The following CA10 variants were observed in gnomAD, a reference collection of about 807,000 sequenced individuals.
CA10 encodes the protein carbonic anhydrase 10 (inactive), also known as carbonic anhydrase-related protein 10.
Under a neutral mutation model 44.2 loss-of-function variants are expected in CA10, and 14 were observed. The ratio of observed to expected loss-of-function variants is 0.32; its 90% CI spans 0.21 to 0.50. The LOEUF (loss-of-function observed/expected upper bound fraction) is 0.50. Among genes scored for constraint, CA10 ranks in the 20% least tolerant of loss-of-function variants. CA10 has a pLI of 0.99. For synonymous variants in CA10, 159 were observed against 141.6 expected (o/e 1.12, Z -0.87); for missense variants, 350 against 409.7 (o/e 0.85, Z 1.26).
intron 3 of CA10, among the ~76,000 whole-genome samples, chr17:51,830,195 CAAAAAAAAAAAA>C (rs1220410518): frequency 1.1e-5 from 1 of 89,986 alleles, no homozygotes; most frequent in Non-Finnish European, 2.3e-5. Flanking sequence ...GACTCCATCT[CAAAAAAAAAAAA>C]AAAAAAAAAG....
chr17:51,858,690 C>T (rs1026884915), intron 3 of CA10, among the ~76,000 whole-genome samples: 12 of 152,190 alleles, frequency 7.9e-5, no homozygotes, highest in African/African-American at 2.7e-4. Context: ...TCCTATGTGT[C>T]TTGGTCCTTG....
intron 1 of CA10, among the ~76,000 whole-genome samples, chr17:52,088,801 GA>G (rs1988186421): frequency 6.6e-6 from 1 of 152,056 alleles, no homozygotes; most frequent in Non-Finnish European, 1.5e-5. Context: ...GAAATGAAAA[GA>G]AAAAAACCCT....
At chr17:51,692,154 G>A (rs535407287) in intron 4 of CA10, among the ~76,000 whole-genome samples, 1 of 148,928 alleles carries the variant, frequency 6.7e-6, no homozygotes, top group South Asian at 2.1e-4. Context: ...ACAGTTTTTT[G>A]TTCCTCTTCA....
At chr17:51,730,158 C>T (rs1042571460) in intron 4 of CA10, among the ~76,000 whole-genome samples, 1 of 152,174 alleles carries the variant, frequency 6.6e-6, no homozygotes, top group Non-Finnish European at 1.5e-5. Context: ...TAAATATCTC[C>T]TTACTAGAAT....
chr17:51,794,430 C>T (rs915372497), intron 3 of CA10, among the ~76,000 whole-genome samples: 1 of 152,106 alleles, frequency 6.6e-6, no homozygotes, highest in African/African-American at 2.4e-5. Flanking sequence ...GTCATTTTAC[C>T]CCTGGGTTGG....
At chr17:52,054,051 A>G (rs1040319372) in intron 2 of CA10, among the ~76,000 whole-genome samples, 2 of 149,212 alleles carry the variant, frequency 1.3e-5, no homozygotes, top group African/African-American at 5.0e-5. Context: ...GCACCTCGAA[A>G]AAAGAACAGG....
intron 4 of CA10, among the ~76,000 whole-genome samples, chr17:51,712,996 C>T (rs1436548754): frequency 6.6e-6 from 1 of 152,200 alleles, no homozygotes; most frequent in African/African-American, 2.4e-5. Context: ...CTCCACAGAT[C>T]CTCTTTTCTT....
intron 2 of CA10, among the ~76,000 whole-genome samples, chr17:52,031,991 G>A (rs1007031868): frequency 2.6e-5 from 4 of 152,150 alleles, no homozygotes; most frequent in East Asian, 1.9e-4. Flanking sequence ...GCTGCCATGA[G>A]CACAGTAAAG....
chr17:51,672,914 A>G (rs1264412086), intron 4 of CA10, among the ~76,000 whole-genome samples: 1 of 152,194 alleles, frequency 6.6e-6, no homozygotes, highest in African/African-American at 2.4e-5. Context: ...AGGGAGTTCC[A>G]GTGGCTTTGC....
At chr17:51,905,289 C>T (rs1981497203) in intron 3 of CA10, among the ~76,000 whole-genome samples, 1 of 152,112 alleles carries the variant, frequency 6.6e-6, no homozygotes. Context: ...TGCACTGCCT[C>T]AGGTGGAGTT....
chr17:51,958,764 AAAAC>A (rs1320030515), intron 2 of CA10, among the ~76,000 whole-genome samples: 11 of 152,196 alleles, frequency 7.2e-5, no homozygotes, highest in Non-Finnish European at 1.5e-4. Flanking sequence ...CAAAGCAAAC[AAAAC>A]AAACAGATAA....
In CA10 at chr17:52,045,237, A is replaced by T. The variant is rs895226062; in HGVS notation, c.136+27082T>A. Among the ~76,000 whole-genome samples the T allele has an allele frequency of 2.0e-5, 3 of 151,022 alleles. 1 individual carries two copies. In the East Asian group the frequency reaches 7.0e-4, roughly 35 times the overall value. On this transcript the variant is annotated intron_variant, in intron 2 of 8. Coordinates refer to ENST00000451037, the MANE Select transcript of CA10 (RefSeq NM_020178.5). ...AAAACACATTTTATAAATAAAGGTT[A>T]AATAAAGCCCATTTCAGAAAAAAAT...
At chr17:52,151,817 T>A (rs976859919) in intron 1 of CA10, among the ~76,000 whole-genome samples, 2 of 151,968 alleles carry the variant, frequency 1.3e-5, no homozygotes, top group Non-Finnish European at 2.9e-5. Context: ...AGATGAGGAG[T>A]TAAGGCACAC....
intron 3 of CA10, among the ~76,000 whole-genome samples, chr17:51,810,461 A>C (rs542831226): frequency 1.3e-5 from 2 of 152,102 alleles, no homozygotes; most frequent in African/African-American, 2.4e-5. Flanking sequence ...CAAGTTCTGT[A>C]TGGAATCAGG....
At chr17:51,934,706 T>G (rs1441899123) in intron 2 of CA10, among the ~76,000 whole-genome samples, 1 of 152,090 alleles carries the variant, frequency 6.6e-6, no homozygotes, top group Non-Finnish European at 1.5e-5. Flanking sequence ...TGGGGATGAT[T>G]GCACACAAAG....
At chr17:51,756,651 A>AT (rs1298142685) in intron 3 of CA10, among the ~76,000 whole-genome samples, 1 of 148,378 alleles carries the variant, frequency 6.7e-6, no homozygotes, top group Admixed American at 6.7e-5. Flanking sequence ...TTTTTTTTGT[A>AT]TTTTTTAGTA....
rs563442915 is a variant in CA10 at position 51,633,892 on chromosome 17, C to G, written c.790-242G>C. On this transcript the variant is annotated intron_variant, in intron 7 of 8. Coordinates refer to ENST00000451037, the MANE Select transcript of CA10 (RefSeq NM_020178.5). Reference sequence around the variant, plus strand: ...CTTGTGTATGCCTCTGAACAAGTCACTTGCGCTCTCTCACCCTCAAATGCA... The same window carrying G: ...CTTGTGTATGCCTCTGAACAAGTCAGTTGCGCTCTCTCACCCTCAAATGCA... Among the ~76,000 whole-genome samples the G allele has an allele frequency of 4.5e-4, 69 of 152,346 alleles. 2 individuals are homozygous for G. The highest frequency in any genetic ancestry group is 1.7e-3 in the African/African-American group (69 of 41,572).
chr17:51,859,415 G>A (rs377483288), intron 3 of CA10, among the ~76,000 whole-genome samples: 2 of 152,110 alleles, frequency 1.3e-5, no homozygotes, highest in Non-Finnish European at 2.9e-5. Flanking sequence ...CAGTGGCCAC[G>A]TTTGTTATCC....
chr17:51,972,756 TAAAGG>T (rs916462420), intron 2 of CA10, among the ~76,000 whole-genome samples: 2 of 149,766 alleles, frequency 1.3e-5, no homozygotes, highest in African/African-American at 4.9e-5. Flanking sequence ...AATTAGTAAG[TAAAGG>T]AGAGAAGTAA....
Sources: gnomAD v4.1 joint callset for allele counts (sites outside exome capture counted in the v4.1 genomes callset) on GRCh38, gnomAD v4.1.1 for gene constraint, MANE v1.5 for transcripts, NCBI Gene and HGNC (gene_info 2026-07-23, HGNC 2026-07-21) for gene names.